Variants in ELMO1 observed in about 807,000 individuals in gnomAD.
The protein encoded by ELMO1 is engulfment and cell motility 1, also known as engulfment and cell motility protein 1.
Under a neutral mutation model 98.9 loss-of-function variants are expected in ELMO1, and 26 were observed. The observed-to-expected ratio is 0.26, with a 90% confidence interval of 0.19 to 0.36. The LOEUF (loss-of-function observed/expected upper bound fraction) is 0.36. Ranked by LOEUF, ELMO1 falls within the 10% of genes least tolerant of loss-of-function variation. ELMO1 has a pLI of 1.00. For missense variants in ELMO1, 627 were observed against 935.2 expected (o/e 0.67, Z 4.30); for synonymous variants, 346 against 346.0 (o/e 1.00, Z 0.00).
intron 16 of ELMO1, among the ~76,000 whole-genome samples, chr7:36,914,867 G>C (rs1453810867): frequency 6.6e-6 from 1 of 151,550 alleles, no homozygotes; most frequent in African/African-American, 2.4e-5. Context: ...AGACACATGA[G>C]TAAACTGCCT....
intron 1 of ELMO1, among the ~76,000 whole-genome samples, chr7:37,387,016 G>T (rs1802835254): frequency 6.6e-6 from 1 of 152,160 alleles, no homozygotes; most frequent in Admixed American, 6.5e-5. Flanking sequence ...CTAATATATA[G>T]CAAGAGTAAG....
chr7:37,344,428 TA>T (rs1456827912), intron 1 of ELMO1, among the ~76,000 whole-genome samples: 1 of 152,256 alleles, frequency 6.6e-6, no homozygotes, highest in Non-Finnish European at 1.5e-5. Flanking sequence ...AGCTACATAG[TA>T]GTTCATTGTG....
At chr7:37,265,421 T>A (rs1287849207) in intron 5 of ELMO1, among the ~76,000 whole-genome samples, 2 of 152,054 alleles carry the variant, frequency 1.3e-5, no homozygotes, top group East Asian at 3.9e-4. Context: ...GGTAAAAACA[T>A]CCATTGACCC....
rs575648884 is a variant in ELMO1 at position 36,854,963 on chromosome 7, G to C, written c.*588C>G. ...CTAGGGAGGATCACGAGGAGGCTGC[G>C]GCTGCTGCTCTTGGGACCAAAGAGG... is the stretch of plus-strand genomic sequence containing the variant. On this transcript the variant is annotated 3_prime_UTR_variant, in exon 22 of 22. Transcript: ENST00000310758. 1.3e-5 allele frequency: 2 copies of C among 159,774 alleles called. No individual in the cohort carries two copies. The highest frequency in any genetic ancestry group is 1.2e-4 in the Admixed American group (2 of 16,926). The allele number at this position is 159,774 out of a possible 1,614,324, so 9.9% of individuals were successfully genotyped here.
chr7:37,064,167 G>A (rs754026324), intron 15 of ELMO1, among the ~76,000 whole-genome samples: 13 of 152,052 alleles, frequency 8.5e-5, no homozygotes, highest in Non-Finnish European at 1.3e-4. Flanking sequence ...GACACTGCCT[G>A]GGCATTTTCT....
chr7:37,237,344 C>T (rs1180650300), intron 7 of ELMO1, among the ~76,000 whole-genome samples: 1 of 152,138 alleles, frequency 6.6e-6, no homozygotes, highest in Non-Finnish European at 1.5e-5. Context: ...GGCTGGAGTG[C>T]AGTAGCGCGA....
chr7:36,915,540 C>T (rs1784628717), intron 16 of ELMO1, among the ~76,000 whole-genome samples: 1 of 152,230 alleles, frequency 6.6e-6, no homozygotes, highest in African/African-American at 2.4e-5. Flanking sequence ...TTTCCAGCCA[C>T]ACACATCTTT....
At chr7:37,273,428 T>A (rs1796671418) in intron 4 of ELMO1, among the ~76,000 whole-genome samples, 1 of 152,226 alleles carries the variant, frequency 6.6e-6, no homozygotes, top group South Asian at 2.1e-4. Flanking sequence ...TGCTGCCATG[T>A]AAGACATGCC....
chr7:37,122,633 A>C (rs1286509210), intron 14 of ELMO1, among the ~76,000 whole-genome samples: 1 of 152,236 alleles, frequency 6.6e-6, no homozygotes, highest in African/African-American at 2.4e-5. Flanking sequence ...CAGATTCATA[A>C]AGCAAGTCCT....
chr7:37,112,838 T>C (rs1281344384), intron 14 of ELMO1, among the ~76,000 whole-genome samples: 1 of 152,184 alleles, frequency 6.6e-6, no homozygotes, highest in Non-Finnish European at 1.5e-5. Context: ...GCATAGTTCC[T>C]AAGGGGGAAG....
intron 15 of ELMO1, among the ~76,000 whole-genome samples, chr7:37,084,723 T>C (rs1056565961): frequency 6.6e-6 from 1 of 152,098 alleles, no homozygotes; most frequent in Non-Finnish European, 1.5e-5. Context: ...ATCCAATAAA[T>C]GGCAGTGGTC....
intron 16 of ELMO1, among the ~76,000 whole-genome samples, chr7:36,944,417 T>C (rs1023548155): frequency 3.5e-4 from 53 of 152,224 alleles, no homozygotes; most frequent in Non-Finnish European, 6.3e-4. Context: ...GAGTGCACGA[T>C]TCAAACTAAA....
At chr7:36,878,407 A>G (rs1288088727) in intron 18 of ELMO1, among the ~76,000 whole-genome samples, 1 of 152,148 alleles carries the variant, frequency 6.6e-6, no homozygotes, top group Non-Finnish European at 1.5e-5. Context: ...AGGTTATGTT[A>G]TCACTAATGA....
chr7:37,057,967 TAACCC>T (rs1796473607), intron 15 of ELMO1, among the ~76,000 whole-genome samples: 2 of 152,232 alleles, frequency 1.3e-5, no homozygotes, highest in Non-Finnish European at 2.9e-5. Flanking sequence ...AAGATGTTAT[TAACCC>T]TAAAGAACTT....
chr7:37,355,194 C>T (rs1411201183), intron 1 of ELMO1, among the ~76,000 whole-genome samples: 1 of 152,174 alleles, frequency 6.6e-6, no homozygotes, highest in South Asian at 2.1e-4. Context: ...ACATTGAAAA[C>T]GCTGTGACTC....
At chr7:37,357,103 A>G (rs747362429) in intron 1 of ELMO1, among the ~76,000 whole-genome samples, 2 of 152,156 alleles carry the variant, frequency 1.3e-5, no homozygotes, top group African/African-American at 2.4e-5. Context: ...CCTTTGTCCA[A>G]TCATAGTTCT....
chr7:37,188,447 CACACGCAAACACACACACACACAG>C (rs1791355015), intron 13 of ELMO1, among the ~76,000 whole-genome samples: 1 of 10,186 alleles, frequency 9.8e-5, no homozygotes, highest in South Asian at 8.1e-3. Flanking sequence ...CACACACACA[CACACGCAAACACACACACACACAG>C]GCCACTGGAG....
chr7:37,075,346 G>A (rs941102767), intron 15 of ELMO1, among the ~76,000 whole-genome samples: 7 of 150,036 alleles, frequency 4.7e-5, no homozygotes, highest in African/African-American at 1.2e-4. Flanking sequence ...TAGTAGAGAC[G>A]GGGTTTCACC....
At chr7:37,446,388 A>G (rs1437953566) in intron 1 of ELMO1, among the ~76,000 whole-genome samples, 4 of 152,232 alleles carry the variant, frequency 2.6e-5, no homozygotes, top group African/African-American at 7.2e-5. Context: ...ACTGAGTAAC[A>G]TAAGAGGCCC....
Sources: allele counts gnomAD v4.1 joint callset (sites outside exome capture counted in the v4.1 genomes callset), GRCh38; gene constraint gnomAD v4.1.1; transcripts MANE v1.5; gene names NCBI Gene and HGNC (gene_info 2026-07-23, HGNC 2026-07-21).